The following ITPRID1 variants were observed in gnomAD, a reference collection of about 807,000 sequenced individuals.
The protein encoded by ITPRID1 is ITPR interacting domain containing 1.
ITPRID1 carries 96 observed loss-of-function variants against 95.4 expected under a neutral mutation model. The observed-to-expected ratio is 1.01, with a 90% CI of 0.85 to 1.19. The LOEUF (loss-of-function observed/expected upper bound fraction) is 1.19. Among genes scored for constraint, ITPRID1 ranks in the 50% most tolerant of loss-of-function variants. ITPRID1 has a pLI of 0.00. For synonymous variants in ITPRID1, 510 were observed against 453.6 expected (o/e 1.12, Z -1.58); for missense variants, 1,339 against 1,252.9 (o/e 1.07, Z -1.04).
rs919696788 is a variant in ITPRID1, at chr7:31,591,811, T to G, written c.1228+8620T>G. Among the ~76,000 whole-genome samples the G allele has an allele frequency of 3.3e-5, 5 of 152,188 alleles. No individual in the cohort carries two copies. The East Asian group carries it at 9.6e-4, about 29-fold the overall frequency. ...TGCCACTATTTGATTTTTTAATGTATATATTATACTTTGATTTAATAAATA... is the reference window on the plus strand; with the variant it reads ...TGCCACTATTTGATTTTTTAATGTAGATATTATACTTTGATTTAATAAATA... On this transcript the variant is annotated intron_variant, in intron 10 of 14. Coordinates refer to ENST00000615280, the MANE Select transcript of ITPRID1 (RefSeq NM_001257967.3).
chr7:31,633,256 C>T (rs38379), intron 10 of ITPRID1, among the ~76,000 whole-genome samples: 36,296 of 152,022 alleles, frequency 0.24, 5,510 homozygotes, highest in Non-Finnish European at 0.32. Context: ...GAAAGGAGTT[C>T]GACACATTCT....
At position 31,572,041 on chromosome 7, in the gene ITPRID1, T is replaced by C; in HGVS notation, c.309-61T>C. On this transcript the variant is annotated intron_variant, in intron 6 of 14. Coordinates refer to ENST00000615280, the MANE Select transcript of ITPRID1 (RefSeq NM_001257967.3). ...TGCTCTGGAAGGAAAAGATTCACAA[T>C]GACCTCCCAGGAGACTATCTAAATC... The C allele has an allele frequency of 4.7e-6, 5 of 1,068,264 alleles. No homozygotes were observed. In the Admixed American group the frequency reaches 6.1e-5, roughly 13 times the overall value. The allele number at this position is 1,068,264 out of a possible 1,614,324, so 66.2% of individuals were successfully genotyped here.
At chr7:31,540,795 T>C (rs1583474676) in intron 1 of ITPRID1, among the ~76,000 whole-genome samples, 1 of 152,198 alleles carries the variant, frequency 6.6e-6, no homozygotes, top group East Asian at 1.9e-4. Flanking sequence ...TAACTTTGGG[T>C]TCCCGGCCTG....
At chr7:31,595,070 CTTTTTT>C (rs958852739) in intron 10 of ITPRID1, among the ~76,000 whole-genome samples, 4 of 127,444 alleles carry the variant, frequency 3.1e-5, no homozygotes, top group African/African-American at 1.2e-4. Flanking sequence ...TTTATAATTT[CTTTTTT>C]TTTTTTTTTT....
chr7:31,624,158 G>T (rs1311038682), intron 10 of ITPRID1, among the ~76,000 whole-genome samples: 1 of 150,760 alleles, frequency 6.6e-6, no homozygotes, highest in Admixed American at 6.6e-5. Flanking sequence ...CATGCTCATG[G>T]GTAGGAAGAG....
chr7:31,598,646 G>A (rs1342180502), intron 10 of ITPRID1, among the ~76,000 whole-genome samples: 7 of 152,002 alleles, frequency 4.6e-5, no homozygotes, highest in East Asian at 3.9e-4. Context: ...CTCGTGATCC[G>A]CCCGCCTTGG....
At chr7:31,597,104 CA>C (rs764339171) in intron 10 of ITPRID1, among the ~76,000 whole-genome samples, 3 of 151,682 alleles carry the variant, frequency 2.0e-5, no homozygotes, top group Non-Finnish European at 3.0e-5. Context: ...AACAAAAGAA[CA>C]AACAAAAACT....
At chr7:31,590,521 G>A (rs1015200365) in intron 10 of ITPRID1, among the ~76,000 whole-genome samples, 1 of 152,162 alleles carries the variant, frequency 6.6e-6, no homozygotes, top group Admixed American at 6.5e-5. Flanking sequence ...TATGTGGCAA[G>A]CATATATATG....
chr7:31,549,319 C>A, intron 1 of ITPRID1, 107 bp from the exon 2 acceptor site: 1 of 675,168 alleles, frequency 1.5e-6, no homozygotes, highest in Non-Finnish European at 2.2e-6. Context: ...ATCATCCAAA[C>A]TAAGTAATTT....
intron 1 of ITPRID1, 57 bp from the exon 2 acceptor site, chr7:31,549,369 T>C (rs1234939770): frequency 1.6e-6 from 2 of 1,273,094 alleles, no homozygotes; most frequent in African/African-American, 3.1e-5. Flanking sequence ...CAGGGTCAAG[T>C]TTATTTTCTG....
intron 1 of ITPRID1, among the ~76,000 whole-genome samples, chr7:31,528,029 A>T (rs1380936844): frequency 6.6e-6 from 1 of 152,078 alleles, no homozygotes; most frequent in Non-Finnish European, 1.5e-5. Flanking sequence ...TTTCTTTTTT[A>T]AAAAAATCCC....
chr7:31,556,771 C>T (rs556069602), intron 5 of ITPRID1, among the ~76,000 whole-genome samples: 6 of 152,106 alleles, frequency 3.9e-5, no homozygotes, highest in Admixed American at 2.0e-4. Context: ...TGTAGAGTGA[C>T]GCATGAATTT....
chr7:31,536,996 G>A (rs1320758193), intron 1 of ITPRID1, among the ~76,000 whole-genome samples: 1 of 152,006 alleles, frequency 6.6e-6, no homozygotes, highest in Non-Finnish European at 1.5e-5. Flanking sequence ...GATTTTGCAT[G>A]CCTGAGCTTA....
At chr7:31,531,968 G>C (rs1783612159) in intron 1 of ITPRID1, among the ~76,000 whole-genome samples, 1 of 152,128 alleles carries the variant, frequency 6.6e-6, no homozygotes, top group African/African-American at 2.4e-5. Flanking sequence ...GCGTACAACT[G>C]CATTTTAAAC....
At chr7:31,638,343 C>G (rs1382443351) in intron 10 of ITPRID1, among the ~76,000 whole-genome samples, 1 of 152,156 alleles carries the variant, frequency 6.6e-6, no homozygotes. Context: ...TCTGACAACA[C>G]TAAACAGCTG....
intron 10 of ITPRID1, among the ~76,000 whole-genome samples, chr7:31,625,967 T>G (rs999038852): frequency 6.6e-6 from 1 of 152,162 alleles, no homozygotes; most frequent in Admixed American, 6.5e-5. Context: ...TTGGTGATAA[T>G]AAATATCTTC....
rs1181827212 is a variant in ITPRID1 at position 31,654,661 on chromosome 7, G to A, written c.*1832G>A. Among the ~76,000 whole-genome samples the A allele has an allele frequency of 6.6e-6, 1 of 152,144 alleles. No homozygotes were observed. The highest frequency in any genetic ancestry group is 1.5e-5 in the Non-Finnish European group (1 of 68,026). ...GCTCCCACCCCAGTGGAAATGCAGG[G>A]AATGGCACACAAAGGCCAGAGGCAC... On this transcript the variant is annotated 3_prime_UTR_variant, in exon 15 of 15. Coordinates refer to ENST00000615280, the MANE Select transcript of ITPRID1 (RefSeq NM_001257967.3).
chr7:31,636,727 A>ATTT (rs1583682019), intron 10 of ITPRID1, among the ~76,000 whole-genome samples: 80 of 151,410 alleles, frequency 5.3e-4, no homozygotes, highest in East Asian at 1.4e-3. Flanking sequence ...TTTTTTTTTA[A>ATTT]AAATTTTATT....
At chr7:31,515,116 C>T (rs943930596) in intron 1 of ITPRID1, among the ~76,000 whole-genome samples, 1 of 151,856 alleles carries the variant, frequency 6.6e-6, no homozygotes, top group African/African-American at 2.4e-5. Context: ...TTCCTAACTC[C>T]TCTAAGGCAA....
Sources: gnomAD v4.1 joint callset for allele counts (sites outside exome capture counted in the v4.1 genomes callset) on GRCh38, gnomAD v4.1.1 for gene constraint, MANE v1.5 for transcripts, NCBI Gene and HGNC (gene_info 2026-07-23, HGNC 2026-07-21) for gene names.